ST18: variants seen among roughly 807,000 people sequenced by gnomAD.
The protein encoded by ST18 is ST18 C2H2C-type zinc finger transcription factor.
A neutral mutation model predicts 110.0 loss-of-function variants in ST18; 50 were observed. That is an observed-to-expected ratio of 0.45 (90% CI 0.36 to 0.58). The LOEUF (loss-of-function observed/expected upper bound fraction) is 0.58. ST18 is among the 20% of genes least tolerant of loss of function. ST18 has a pLI of 0.00. For missense variants in ST18, 1,306 were observed against 1,280.1 expected, an observed-to-expected ratio of 1.02 and a Z score of -0.31; for synonymous variants, 461 against 452.4, an observed-to-expected ratio of 1.02 and a Z score of -0.24.
chr8:52,301,092 T>C (rs2095713798), intron 2 of ST18, among the ~76,000 whole-genome samples: 3 of 152,238 alleles, frequency 2.0e-5, no homozygotes, highest in African/African-American at 4.8e-5. Flanking sequence ...AATAGATTTC[T>C]AATAATGGAA....
chr8:52,158,393 G>C (rs2060536543), intron 15 of ST18, among the ~76,000 whole-genome samples: 1 of 152,162 alleles, frequency 6.6e-6, no homozygotes, highest in South Asian at 2.1e-4. Context: ...GGAGAATACT[G>C]TGGCAACTTA....
intron 23 of ST18, among the ~76,000 whole-genome samples, chr8:52,120,583 A>G (rs140402121): frequency 2.3e-4 from 35 of 152,248 alleles, no homozygotes; most frequent in African/African-American, 8.4e-4. Flanking sequence ...CCAGGCTGGG[A>G]AGGGAGTGAG....
chr8:52,362,939 C>T (rs931761888), intron 2 of ST18, among the ~76,000 whole-genome samples: 1 of 152,152 alleles, frequency 6.6e-6, no homozygotes. Flanking sequence ...AGGCCAGACG[C>T]GGTGGCTCAC....
chr8:52,234,494 A>T (rs2092275222), intron 2 of ST18, among the ~76,000 whole-genome samples: 1 of 151,994 alleles, frequency 6.6e-6, no homozygotes, highest in African/African-American at 2.4e-5. Flanking sequence ...TGAACTCCTG[A>T]CCTCATAATC....
rs1279341979 is a variant in ST18 at position 52,362,565 on chromosome 8, T to G, written c.-465+46763A>C. On this transcript the variant is annotated intron_variant, in intron 2 of 25. Transcript: ENST00000689386. ...GGGAATAAATGAGCTAATTAACACT[T>G]AGGGCAATGTTTGGCACACAGACTA... 2.6e-5 allele frequency among the ~76,000 whole-genome samples: 4 copies of G among 152,162 alleles called. No individual in the cohort carries two copies. The East Asian group carries it at 7.7e-4, about 29-fold the overall frequency.
At chr8:52,400,913 C>T (rs192376555) in intron 2 of ST18, among the ~76,000 whole-genome samples, 7 of 152,002 alleles carry the variant, frequency 4.6e-5, no homozygotes, top group South Asian at 2.1e-4. Flanking sequence ...CCTCTACTGG[C>T]GAGTTTTATA....
intron 19 of ST18, 73 bp from the exon 20 acceptor site, chr8:52,133,374 T>C: frequency 1.9e-6 from 3 of 1,551,414 alleles, no homozygotes; most frequent in East Asian, 2.2e-5. Flanking sequence ...TCAAGTTATT[T>C]AGGTTCTTCA....
intron 2 of ST18, among the ~76,000 whole-genome samples, chr8:52,257,613 C>A (rs1181036389): frequency 6.6e-6 from 1 of 151,620 alleles, no homozygotes; most frequent in Non-Finnish European, 1.5e-5. Flanking sequence ...GAGCTTTTAC[C>A]CAGTTTTAAG....
chr8:52,205,096 T>TAC (rs771581467), intron 8 of ST18, among the ~76,000 whole-genome samples: 78 of 144,034 alleles, frequency 5.4e-4, no homozygotes, highest in Non-Finnish European at 9.4e-4. Flanking sequence ...TACATATATA[T>TAC]ATACACACAC....
At chr8:52,139,441 C>T (rs997044443) in intron 17 of ST18, among the ~76,000 whole-genome samples, 3 of 152,206 alleles carry the variant, frequency 2.0e-5, no homozygotes, top group Admixed American at 1.3e-4. Flanking sequence ...CTGCAAACTT[C>T]GCCTCCTGGG....
intron 2 of ST18, among the ~76,000 whole-genome samples, chr8:52,276,116 ACCT>A (rs2095240370): frequency 5.8e-5 from 1 of 17,390 alleles, no homozygotes; most frequent in Non-Finnish European, 1.3e-4. Context: ...CACACACCGC[ACCT>A]ATCACATACC....
chr8:52,361,278 T>C (rs938050800), intron 2 of ST18, among the ~76,000 whole-genome samples: 25 of 152,232 alleles, frequency 1.6e-4, no homozygotes, highest in African/African-American at 6.0e-4. Context: ...CAGGGAAATA[T>C]TTATATAAAA....
intron 2 of ST18, among the ~76,000 whole-genome samples, chr8:52,254,512 T>C (rs1426552150): frequency 6.6e-6 from 1 of 152,158 alleles, no homozygotes; most frequent in Non-Finnish European, 1.5e-5. Context: ...ACTTTCACTT[T>C]AATTTTCATC....
At chr8:52,156,580 G>A (rs1043898799) in intron 15 of ST18, among the ~76,000 whole-genome samples, 4 of 152,150 alleles carry the variant, frequency 2.6e-5, no homozygotes, top group Admixed American at 2.0e-4. Context: ...TTCATCAGAG[G>A]CTCAGTTTCA....
intron 2 of ST18, among the ~76,000 whole-genome samples, chr8:52,378,450 C>A (rs1312981143): frequency 3.3e-5 from 5 of 152,154 alleles, no homozygotes; most frequent in Non-Finnish European, 7.4e-5. Context: ...GGCATCCATT[C>A]TTACTAAAAT....
intron 2 of ST18, among the ~76,000 whole-genome samples, chr8:52,368,433 T>C (rs1828996721): frequency 6.6e-6 from 1 of 152,254 alleles, no homozygotes; most frequent in African/African-American, 2.4e-5. Context: ...TTGTGGATCA[T>C]TTAGTTCCAC....
At chr8:52,259,417 C>T (rs925435428) in intron 2 of ST18, among the ~76,000 whole-genome samples, 13 of 152,160 alleles carry the variant, frequency 8.5e-5, no homozygotes, top group African/African-American at 3.1e-4. Flanking sequence ...AATATTTAAT[C>T]TCTACATGTA....
At chr8:52,191,100 G>A (rs755895535) in intron 8 of ST18, among the ~76,000 whole-genome samples, 4 of 152,184 alleles carry the variant, frequency 2.6e-5, no homozygotes, top group Admixed American at 6.5e-5. Flanking sequence ...AGTTTTGGCT[G>A]CATAGCAAGT....
At chr8:52,169,920 G>A (rs1439412455) in intron 10 of ST18, among the ~76,000 whole-genome samples, 1 of 152,026 alleles carries the variant, frequency 6.6e-6, no homozygotes, top group Non-Finnish European at 1.5e-5. Flanking sequence ...TGGCCCAAAT[G>A]TTTACAAACA....
Sources: allele counts gnomAD v4.1 joint callset (sites outside exome capture counted in the v4.1 genomes callset), GRCh38; gene constraint gnomAD v4.1.1; transcripts MANE v1.5; gene names NCBI Gene and HGNC (gene_info 2026-07-23, HGNC 2026-07-21).